The following SLC18A2 variants were observed in gnomAD, a reference collection of about 807,000 sequenced individuals.
The protein encoded by SLC18A2 is synaptic vesicular amine transporter.
SLC18A2 carries 33 observed loss-of-function variants against 59.2 expected under a neutral mutation model. The ratio of observed to expected loss-of-function variants is 0.56; its 90% CI spans 0.42 to 0.75. SLC18A2 has a LOEUF of 0.75. Among genes scored for constraint, SLC18A2 ranks in the 30% least tolerant of loss-of-function variants. The pLI, the probability that SLC18A2 is intolerant of heterozygous loss-of-function variation, is 0.00. For missense variants in SLC18A2, 569 were observed against 668.6 expected, an observed-to-expected ratio of 0.85 and a Z score of 1.64; for synonymous variants, 228 against 253.5, an observed-to-expected ratio of 0.90 and a Z score of 0.95.
intron 9 of SLC18A2, among the ~76,000 whole-genome samples, chr10:117,256,646 C>T (rs999804777): frequency 1.3e-5 from 2 of 152,174 alleles, no homozygotes; most frequent in East Asian, 3.9e-4. Flanking sequence ...CTGGCCAAGA[C>T]CCTGTCTATC....
At chr10:117,254,158 C>A in intron 5 of SLC18A2, 27 bp downstream of exon 5, 1 of 1,606,490 alleles carries the variant, frequency 6.2e-7, no homozygotes, top group South Asian at 1.1e-5. Context: ...TGAGTGAGTT[C>A]GTGAGGGGCC....
intron 15 of SLC18A2, 108 bp downstream of exon 15, chr10:117,270,571 A>G (rs1844413778): frequency 1.5e-6 from 2 of 1,312,830 alleles, no homozygotes; most frequent in Non-Finnish European, 2.1e-6. Context: ...AAATGGTGAG[A>G]ATTCCTTTTT....
At chr10:117,245,299 A>G (rs1043107980) in intron 3 of SLC18A2, among the ~76,000 whole-genome samples, 10 of 152,188 alleles carry the variant, frequency 6.6e-5, no homozygotes, top group African/African-American at 2.4e-4. Flanking sequence ...AGAAGCAGGA[A>G]CAAAGACTAG....
chr10:117,243,263 A>G (rs1589976547), intron 2 of SLC18A2, among the ~76,000 whole-genome samples: 1 of 152,208 alleles, frequency 6.6e-6, no homozygotes, highest in East Asian at 1.9e-4. Context: ...TCTTTCTTAG[A>G]AGCACTGGTT....
chr10:117,277,316 T>C lies in SLC18A2; in HGVS notation c.*50T>C. The C allele has an allele frequency of 8.6e-7, 1 of 1,158,752 alleles. No homozygotes were observed. The highest frequency in any genetic ancestry group is 1.3e-6 in the Non-Finnish European group (1 of 784,638). 71.8% of individuals were successfully genotyped at this position (1,158,752 alleles called of 1,614,324 possible). A position where few individuals can be genotyped will look rare whatever the true frequency, so the allele number is the denominator to read the frequency against. ...AGTGTTTAATTGTATAAAACAGTGT[T>C]TCCAGTGACACAACTCATCCAGAAC... On this transcript the variant is annotated 3_prime_UTR_variant, in exon 16 of 16. Transcript: ENST00000644641.
At position 117,279,412 on chromosome 10, in the gene SLC18A2, A is replaced by T. The variant is rs769475753; in HGVS notation, c.*2146A>T. On this transcript the variant is annotated 3_prime_UTR_variant, in exon 16 of 16. Transcript: ENST00000644641. ...GTCCATATTTTAGCAAGTTTACTTA[A>T]TAAATCTTCTGAACCATGTTTTGTG... 1 of 152,222 alleles carries T rather than the reference A, an allele frequency of 6.6e-6. No individual in the cohort carries two copies. The highest frequency in any genetic ancestry group is 1.5e-5 in the Non-Finnish European group (1 of 68,036). 9.4% of individuals were successfully genotyped at this position (152,222 alleles called of 1,614,324 possible).
chr10:117,269,956 A>G lies in SLC18A2; in HGVS notation c.1187-115A>G, dbSNP rs1844405145. 3 of 1,271,042 alleles carry G rather than the reference A, an allele frequency of 2.4e-6. No individual in the cohort carries two copies. The highest frequency in any genetic ancestry group is 2.1e-5 in the Admixed American group (1 of 48,114). The allele number at this position is 1,271,042 out of a possible 1,614,324, so 78.7% of individuals were successfully genotyped here. Reference sequence around the variant, plus strand: ...ATCACCCCAAGACTTGCAGGTGGTGATGACAGAAGGGGAAGAGCTGGCAGG... The same window carrying G: ...ATCACCCCAAGACTTGCAGGTGGTGGTGACAGAAGGGGAAGAGCTGGCAGG... On this transcript the variant is annotated intron_variant, in intron 13 of 15. Transcript: ENST00000644641. The surrounding 1 kb of genome is among the most constrained non-coding windows in gnomAD (Gnocchi z 5.1).
intron 13 of SLC18A2, chr10:117,267,988 C>T (rs1327299692): frequency 5.1e-6 from 2 of 388,910 alleles, no homozygotes; most frequent in African/African-American, 3.9e-5. Context: ...TGATGCTCCA[C>T]TGCTGGGGCT....
intron 2 of SLC18A2, 68 bp downstream of exon 2, chr10:117,241,882 T>A: frequency 6.8e-7 from 1 of 1,460,514 alleles, no homozygotes; most frequent in Middle Eastern, 2.4e-4. Flanking sequence ...GCACTCCACT[T>A]ACCCCTGCGC....
chr10:117,241,780 G>A lies in SLC18A2; in HGVS notation c.87G>A (p.Ala29=), dbSNP rs765162962. 2.5e-6 allele frequency: 4 copies of A among 1,610,918 alleles called. No individual in the cohort carries two copies. The East Asian group carries it at 9.0e-5, about 36-fold the overall frequency. Residue 29 remains alanine, a synonymous_variant, in exon 2 of 16, where the codon GCG becomes GCA. Coordinates refer to ENST00000644641, the MANE Select transcript of SLC18A2 (RefSeq NM_003054.6). The part of the protein sequence containing the change: ...RKLILFIVFL[A]LLLDNMLLTV... The stretch of plus-strand genomic sequence containing the variant: ...TCATCCTGTTCATCGTGTTCCTGGC[G>A]CTGCTGCTGGACAACATGCTGCTCA...
rs1206622494 is a variant in SLC18A2 at position 117,267,722 on chromosome 10, T to C, written c.1172T>C (p.Val391Ala). ...IYGLIAPNFG[V>A]GFAIGMVDSS... ...GGACTCATAGCTCCGAACTTTGGAGTTGGTTTTGCAATTGGTAAGTCACAC... is the reference window on the plus strand; with the variant it reads ...GGACTCATAGCTCCGAACTTTGGAGCTGGTTTTGCAATTGGTAAGTCACAC... The change falls in exon 13 of 16, where the codon GTT becomes GCT. Residue 391 changes from valine to alanine, a missense_variant. Val to Ala is a moderately conservative substitution (Grantham distance 64). Coordinates refer to ENST00000644641, the MANE Select transcript of SLC18A2 (RefSeq NM_003054.6). 6.4e-7 allele frequency: 1 copy of C among 1,560,458 alleles called. No homozygotes were observed. The highest frequency in any genetic ancestry group is 1.7e-4 in the Middle Eastern group (1 of 5,802).
chr10:117,248,863 GT>G (rs776561834), intron 3 of SLC18A2, among the ~76,000 whole-genome samples: 1 of 152,164 alleles, frequency 6.6e-6, no homozygotes, highest in Non-Finnish European at 1.5e-5. Context: ...GCTGGGGACC[GT>G]TTCCCTTGCT....
At chr10:117,267,621 T>C (rs542898382) in intron 12 of SLC18A2, 52 bp from the exon 13 acceptor site, 65 of 1,366,426 alleles carry the variant, frequency 4.8e-5, no homozygotes, top group Middle Eastern at 4.8e-4. Flanking sequence ...TCCGAGATGA[T>C]TTAGAGTTGG....
chr10:117,248,875 T>G (rs1379918888), intron 3 of SLC18A2, among the ~76,000 whole-genome samples: 1 of 152,234 alleles, frequency 6.6e-6, no homozygotes, highest in African/African-American at 2.4e-5. Flanking sequence ...TTCCCTTGCT[T>G]CCTTCTTAGC....
At chr10:117,249,084 C>G (rs1167591657) in intron 3 of SLC18A2, among the ~76,000 whole-genome samples, 3 of 152,308 alleles carry the variant, frequency 2.0e-5, no homozygotes, top group East Asian at 3.9e-4. Flanking sequence ...TTGCTAGCTT[C>G]AGCCAGTGGG....
Position 117,278,462 on chromosome 10 carries a change from GACA to G in SLC18A2, c.*1200_*1202del, listed in dbSNP as rs1037276487. On this transcript the variant is annotated 3_prime_UTR_variant, in exon 16 of 16. Transcript: ENST00000644641. ...CAGTGTTGTGTATTTTTCTAAGCATGACAACATTGATGTGCCTTTTCAGTGTAA... is the reference window on the plus strand; with the variant it reads ...CAGTGTTGTGTATTTTTCTAAGCATGACATTGATGTGCCTTTTCAGTGTAA... The G allele has an allele frequency of 2.6e-5, 4 of 152,158 alleles. No homozygotes were observed. Among genetic ancestry groups the G allele is most frequent in the Non-Finnish European group, 4.4e-5 (3 of 68,016 alleles). 9.4% of individuals were successfully genotyped at this position (152,158 alleles called of 1,614,324 possible).
intron 8 of SLC18A2, 34 bp from the exon 9 acceptor site, chr10:117,255,563 G>T: frequency 6.2e-7 from 1 of 1,614,160 alleles, no homozygotes; most frequent in Non-Finnish European, 8.5e-7. Flanking sequence ...AGGGGGCATG[G>T]TGCTGCTTCT....
At chr10:117,256,647 C>T (rs1844234648) in intron 9 of SLC18A2, among the ~76,000 whole-genome samples, 1 of 152,170 alleles carries the variant, frequency 6.6e-6, no homozygotes, top group African/African-American at 2.4e-5. Flanking sequence ...TGGCCAAGAC[C>T]CTGTCTATCA....
intron 10 of SLC18A2, 145 bp downstream of exon 10, chr10:117,258,037 G>A: frequency 1.8e-6 from 1 of 565,638 alleles, no homozygotes; most frequent in East Asian, 2.9e-5. Context: ...ATTGCTTAGG[G>A]CAGCCTTGGG....
Sources: gnomAD v4.1 joint callset for allele counts (sites outside exome capture counted in the v4.1 genomes callset) on GRCh38, gnomAD v4.1.1 for gene constraint, Gnocchi (gnomAD v3.1) non-coding constraint, MANE v1.5 for transcripts, NCBI Gene and HGNC (gene_info 2026-07-23, HGNC 2026-07-21) for gene names.